Variants in NAV2 observed in about 807,000 individuals in gnomAD.
NAV2 encodes neuron navigator 2.
In NAV2, 54 loss-of-function variants were observed where a neutral mutation model predicts 223.2. The observed-to-expected ratio is 0.24, with a 90% CI of 0.19 to 0.30. The LOEUF (loss-of-function observed/expected upper bound fraction) is 0.30. Among genes scored for constraint, NAV2 ranks in the 10% least tolerant of loss-of-function variants. The pLI, the probability that NAV2 is intolerant of heterozygous loss-of-function variation, is 1.00. For synonymous variants in NAV2, 1,279 were observed against 1,239.3 expected, an observed-to-expected ratio of 1.03 and a Z score of -0.67; for missense variants, 2,806 against 3,147.5, an observed-to-expected ratio of 0.89 and a Z score of 2.60.
At position 19,939,788 on chromosome 11, in the gene NAV2, T is replaced by C. The variant is rs201428162; in HGVS notation, c.2146+15T>C. The C allele has an allele frequency of 1.6e-4, 258 of 1,600,902 alleles. 1 individual carries two copies. In the East Asian group the frequency reaches 5.7e-3, roughly 35 times the overall value. On this transcript the variant is annotated intron_variant, in intron 8 of 37. Coordinates refer to ENST00000349880, the MANE Select transcript of NAV2 (RefSeq NM_145117.5). ...AGAACTCACTGGTGAGTATGGAGCCTCAGAAATCTGTGTCTGTTGGTGATG... is the reference window on the plus strand; with the variant it reads ...AGAACTCACTGGTGAGTATGGAGCCCCAGAAATCTGTGTCTGTTGGTGATG...
chr11:19,402,187 A>G (rs1352070705), intron 1 of NAV2, among the ~76,000 whole-genome samples: 1 of 152,226 alleles, frequency 6.6e-6, no homozygotes, highest in African/African-American at 2.4e-5. Context: ...GTGTTCTCTT[A>G]GCAATGTGCT....
At chr11:19,642,123 G>T (rs1446593281) in intron 1 of NAV2, among the ~76,000 whole-genome samples, 1 of 152,138 alleles carries the variant, frequency 6.6e-6, no homozygotes, top group Non-Finnish European at 1.5e-5. Context: ...CTCTCTGGGG[G>T]ATCCCACTGG....
intron 1 of NAV2, among the ~76,000 whole-genome samples, chr11:19,691,507 G>A (rs537266512): frequency 6.6e-6 from 1 of 152,266 alleles, no homozygotes; most frequent in African/African-American, 2.4e-5. Context: ...GTTCCAGGCA[G>A]TTTCTCAGTG....
At chr11:19,399,360 G>A (rs563810886) in intron 1 of NAV2, among the ~76,000 whole-genome samples, 1 of 152,312 alleles carries the variant, frequency 6.6e-6, no homozygotes, top group African/African-American at 2.4e-5. Flanking sequence ...ATCTCCCTGG[G>A]CAGTAATGCA....
chr11:19,369,970 A>G (rs972633667), intron 1 of NAV2, among the ~76,000 whole-genome samples: 1 of 152,226 alleles, frequency 6.6e-6, no homozygotes, highest in Non-Finnish European at 1.5e-5. Flanking sequence ...TGGAGCTAAG[A>G]AGTTTTCCTC....
chr11:19,487,241 C>T lies in NAV2; in HGVS notation c.75+136214C>T, dbSNP rs2042473366. Reference sequence around the variant, plus strand: ...TAAAGACTCATCACTTGCAAGGTCACCTTGAAGTGGATCTGTTGATTCAGT... The same window carrying T: ...TAAAGACTCATCACTTGCAAGGTCATCTTGAAGTGGATCTGTTGATTCAGT... On this transcript the variant is annotated intron_variant, in intron 1 of 37. Transcript: ENST00000360655. 2.0e-5 allele frequency among the ~76,000 whole-genome samples: 3 copies of T among 152,176 alleles called. No homozygotes were observed. In the South Asian group the frequency reaches 6.2e-4, roughly 32 times the overall value.
intron 1 of NAV2, among the ~76,000 whole-genome samples, chr11:19,408,824 T>A (rs58618862): frequency 6.7e-6 from 1 of 150,246 alleles, no homozygotes; most frequent in African/African-American, 2.5e-5. Context: ...TCTGGCGGGG[T>A]GGGGGGATGT....
chr11:19,816,440 C>T (rs1331572604), intron 1 of NAV2, among the ~76,000 whole-genome samples: 5 of 152,218 alleles, frequency 3.3e-5, no homozygotes, highest in Non-Finnish European at 7.3e-5. Flanking sequence ...TTCTCTAGTC[C>T]CTCTGTACCT....
At chr11:19,947,066 C>CG (rs1438734654) in intron 9 of NAV2, among the ~76,000 whole-genome samples, 25 of 152,146 alleles carry the variant, frequency 1.6e-4, no homozygotes, top group African/African-American at 6.0e-4. Context: ...CCTGGGATGT[C>CG]TTTTGTGATT....
At chr11:20,053,520 C>G (rs1208372687) in intron 17 of NAV2, among the ~76,000 whole-genome samples, 1 of 152,094 alleles carries the variant, frequency 6.6e-6, no homozygotes, top group African/African-American at 2.4e-5. Context: ...TTCTGAAGAC[C>G]CTCTCCTATA....
In NAV2 at chr11:19,758,109, A is replaced by G. The variant is rs147389594; in HGVS notation, c.267+44147A>G. 5.6e-3 allele frequency among the ~76,000 whole-genome samples: 858 copies of G among 152,286 alleles called. 8 individuals are homozygous for G. The highest frequency in any genetic ancestry group is 0.02 in the African/African-American group (821 of 41,560). On this transcript the variant is annotated intron_variant, in intron 1 of 37. Coordinates refer to ENST00000349880, the MANE Select transcript of NAV2 (RefSeq NM_145117.5). ...AAATATTATCCCCTCCACTTCATAGATGAGGAATGTTGAGAATAAAGGGTT... is the reference window on the plus strand; with the variant it reads ...AAATATTATCCCCTCCACTTCATAGGTGAGGAATGTTGAGAATAAAGGGTT...
intron 1 of NAV2, chr11:19,504,283 A>G (rs2043051450): frequency 6.6e-6 from 1 of 152,224 alleles, no homozygotes; most frequent in Non-Finnish European, 1.5e-5. Flanking sequence ...ACATACTCCT[A>G]CCATATGATC....
At chr11:19,966,064 A>G (rs144163773) in intron 10 of NAV2, among the ~76,000 whole-genome samples, 1 of 152,354 alleles carries the variant, frequency 6.6e-6, no homozygotes, top group East Asian at 1.9e-4. Flanking sequence ...ACAGTGAACA[A>G]TGCAGAAGCT....
intron 3 of NAV2, among the ~76,000 whole-genome samples, chr11:19,853,186 G>T (rs1388464640): frequency 6.6e-6 from 1 of 152,180 alleles, no homozygotes; most frequent in African/African-American, 2.4e-5. Flanking sequence ...TTGCATTTTT[G>T]ACAGTCTCCT....
At chr11:19,954,429 T>G (rs1329654990) in intron 10 of NAV2, among the ~76,000 whole-genome samples, 3 of 152,122 alleles carry the variant, frequency 2.0e-5, no homozygotes, top group Non-Finnish European at 4.4e-5. Flanking sequence ...TCCCTCAGTA[T>G]CCATGAGGGA....
intron 11 of NAV2, among the ~76,000 whole-genome samples, chr11:20,029,897 G>A (rs1298179090): frequency 6.6e-6 from 1 of 152,216 alleles, no homozygotes; most frequent in African/African-American, 2.4e-5. Context: ...GTACATAGCT[G>A]TGATCTGGTT....
intron 3 of NAV2, among the ~76,000 whole-genome samples, chr11:19,864,671 G>A (rs1418952902): frequency 6.6e-6 from 1 of 152,198 alleles, no homozygotes; most frequent in Non-Finnish European, 1.5e-5. Flanking sequence ...CTAAAGGTCA[G>A]GGACTGTTGA....
chr11:19,941,315 C>T (rs2046383877), intron 8 of NAV2, among the ~76,000 whole-genome samples: 1 of 151,878 alleles, frequency 6.6e-6, no homozygotes, highest in Non-Finnish European at 1.5e-5. Flanking sequence ...CTTGACTGTG[C>T]ACTCTTTGGT....
At chr11:19,845,449 G>GA (rs538555630) in intron 3 of NAV2, among the ~76,000 whole-genome samples, 14 of 151,214 alleles carry the variant, frequency 9.3e-5, no homozygotes, top group South Asian at 4.2e-4. Flanking sequence ...GCTCTGCTAG[G>GA]AAAAAAAAAT....
Sources: gnomAD v4.1 joint callset for allele counts (sites outside exome capture counted in the v4.1 genomes callset) on GRCh38, gnomAD v4.1.1 for gene constraint, MANE v1.5 for transcripts, NCBI Gene and HGNC (gene_info 2026-07-23, HGNC 2026-07-21) for gene names.